The following LRRC8B variants were observed in gnomAD, a reference collection of about 807,000 sequenced individuals.
The protein encoded by LRRC8B is volume-regulated anion channel subunit LRRC8B.
In LRRC8B, 23 loss-of-function variants were observed where a neutral mutation model predicts 58.8. The ratio of observed to expected loss-of-function variants is 0.39; its 90% confidence interval spans 0.28 to 0.55. The LOEUF is 0.55. Among genes scored for constraint, LRRC8B ranks in the 20% least tolerant of loss-of-function variants. The pLI is 0.62. For synonymous variants in LRRC8B, 359 were observed against 374.1 expected (o/e 0.96, Z 0.47); for missense variants, 694 against 936.0 (o/e 0.74, Z 3.37).
chr1:89,539,110 A>G (rs1345590131), intron 1 of LRRC8B, among the ~76,000 whole-genome samples: 1 of 152,186 alleles, frequency 6.6e-6, no homozygotes, highest in Non-Finnish European at 1.5e-5. Context: ...TTGACATTTT[A>G]GGGTATTTTC....
At chr1:89,565,591 C>T (rs1355376192) in intron 1 of LRRC8B, among the ~76,000 whole-genome samples, 1 of 152,232 alleles carries the variant, frequency 6.6e-6, no homozygotes, top group African/African-American at 2.4e-5. Flanking sequence ...CTTTGCCACC[C>T]TTCCATACCC....
At chr1:89,565,362 T>C (rs1652970990) in intron 1 of LRRC8B, among the ~76,000 whole-genome samples, 1 of 149,452 alleles carries the variant, frequency 6.7e-6, no homozygotes, top group South Asian at 2.2e-4. Flanking sequence ...TGTCCAACAC[T>C]GATTCAAAAT....
chr1:89,535,892 A>AT lies in LRRC8B; in HGVS notation c.-241+10880dup, dbSNP rs951700493. Among the ~76,000 whole-genome samples, 340 of 150,282 alleles carry AT rather than the reference A, an allele frequency of 2.3e-3. 2 individuals are homozygous for AT. The highest frequency in any genetic ancestry group is 7.2e-3 in the African/African-American group (294 of 40,972). On this transcript the variant is annotated intron_variant, in intron 1 of 5. Transcript: ENST00000330947. The stretch of plus-strand genomic sequence containing the variant: ...GGTTTGGTCCTAAGCTAGATTTGGG[A>AT]TTTTTTTTTTCTTTACAAATAAATG...
intron 1 of LRRC8B, among the ~76,000 whole-genome samples, chr1:89,549,481 G>A (rs1651652593): frequency 6.6e-6 from 1 of 152,188 alleles, no homozygotes; most frequent in Non-Finnish European, 1.5e-5. Flanking sequence ...TTAGTGAGTT[G>A]ACAGTTCATG....
chr1:89,562,045 A>G (rs1368820310), intron 1 of LRRC8B, among the ~76,000 whole-genome samples: 1 of 152,050 alleles, frequency 6.6e-6, no homozygotes, highest in African/African-American at 2.4e-5. Flanking sequence ...GGATATGTGG[A>G]TGGATGGATG....
intron 1 of LRRC8B, among the ~76,000 whole-genome samples, chr1:89,534,106 C>G (rs905682219): frequency 6.6e-6 from 1 of 152,172 alleles, no homozygotes; most frequent in African/African-American, 2.4e-5. Context: ...TTAACACAGG[C>G]TCTTCTTGGC....
At chr1:89,564,585 T>C (rs1242647935) in intron 1 of LRRC8B, among the ~76,000 whole-genome samples, 1 of 152,204 alleles carries the variant, frequency 6.6e-6, no homozygotes, top group Non-Finnish European at 1.5e-5. Context: ...GTAAGTGTTA[T>C]CCTTCCCCTA....
chr1:89,550,879 C>G (rs1055203233), intron 1 of LRRC8B, among the ~76,000 whole-genome samples: 1 of 152,104 alleles, frequency 6.6e-6, no homozygotes, highest in Non-Finnish European at 1.5e-5. Flanking sequence ...CCCCGGCCCC[C>G]GATCCTGCCC....
At chr1:89,580,096 A>G (rs1287828777) in intron 4 of LRRC8B, among the ~76,000 whole-genome samples, 1 of 152,216 alleles carries the variant, frequency 6.6e-6, no homozygotes, top group Non-Finnish European at 1.5e-5. Flanking sequence ...ACCTGGTTCT[A>G]CCTTGGGAAC....
At chr1:89,542,798 C>A (rs1000325431) in intron 1 of LRRC8B, among the ~76,000 whole-genome samples, 6 of 152,122 alleles carry the variant, frequency 3.9e-5, no homozygotes, top group Admixed American at 3.3e-4. Context: ...GTATTGGCAT[C>A]CATTATGGTT....
intron 1 of LRRC8B, among the ~76,000 whole-genome samples, chr1:89,539,028 A>G (rs1650753826): frequency 6.6e-6 from 1 of 152,128 alleles, no homozygotes; most frequent in African/African-American, 2.4e-5. Context: ...AGCCCCTTCA[A>G]GGTTTTTAAT....
rs748336000 is a variant in LRRC8B at position 89,593,249 on chromosome 1, C to T, written c.*206C>T. ...AAAATTAGCCAGGCGTGGTGGCGTG[C>T]GCCTGTAATCCCAGCTACTTGGGAG... is the stretch of plus-strand genomic sequence containing the variant. On this transcript the variant is annotated 3_prime_UTR_variant, in exon 6 of 6. Coordinates refer to ENST00000330947, the MANE Select transcript of LRRC8B (RefSeq NM_001369817.2). 39 of 505,450 alleles carry T rather than the reference C, an allele frequency of 7.7e-5. No homozygotes were observed. The highest frequency in any genetic ancestry group is 2.7e-4 in the East Asian group (8 of 30,112). 31.3% of individuals were successfully genotyped at this position (505,450 alleles called of 1,614,324 possible). A position where few individuals can be genotyped will look rare whatever the true frequency, so the allele number is the denominator to read the frequency against.
chr1:89,552,885 A>C (rs748527920), intron 1 of LRRC8B, among the ~76,000 whole-genome samples: 1 of 152,246 alleles, frequency 6.6e-6, no homozygotes, highest in Admixed American at 6.5e-5. Flanking sequence ...TTCCTTGATT[A>C]AATTGTTGTT....
chr1:89,564,061 A>T (rs1196520612), intron 1 of LRRC8B, among the ~76,000 whole-genome samples: 4 of 152,226 alleles, frequency 2.6e-5, no homozygotes, highest in Admixed American at 2.6e-4. Context: ...TTTTAACCAC[A>T]TTGTAATCGG....
chr1:89,527,047 T>G (rs1649754190), intron 1 of LRRC8B: 1 of 152,262 alleles, frequency 6.6e-6, no homozygotes, highest in African/African-American at 2.4e-5. Context: ...CCAAGTTTTT[T>G]AGACTAATCC....
At chr1:89,551,549 A>G (rs1467017743) in intron 1 of LRRC8B, among the ~76,000 whole-genome samples, 1 of 152,222 alleles carries the variant, frequency 6.6e-6, no homozygotes, top group African/African-American at 2.4e-5. Context: ...GGATAGATAG[A>G]AAATGAAATA....
At chr1:89,585,664 C>T (rs1654569554) in intron 5 of LRRC8B, among the ~76,000 whole-genome samples, 1 of 152,012 alleles carries the variant, frequency 6.6e-6, no homozygotes, top group African/African-American at 2.4e-5. Flanking sequence ...CAAAAATTAG[C>T]TGCGCGTGGT....
intron 1 of LRRC8B, among the ~76,000 whole-genome samples, chr1:89,565,482 T>C (rs966533291): frequency 1.4e-4 from 22 of 152,186 alleles, no homozygotes; most frequent in African/African-American, 5.1e-4. Flanking sequence ...TAAATTTTTC[T>C]CCTTTCTCCC....
chr1:89,586,152 G>C (rs1215893041), intron 5 of LRRC8B, among the ~76,000 whole-genome samples: 1 of 152,120 alleles, frequency 6.6e-6, no homozygotes, highest in Admixed American at 6.5e-5. Flanking sequence ...TACCCAAAAG[G>C]CTTGCTGAAA....
Sources: gnomAD v4.1 joint callset for allele counts (sites outside exome capture counted in the v4.1 genomes callset) on GRCh38, gnomAD v4.1.1 for gene constraint, MANE v1.5 for transcripts, NCBI Gene and HGNC (gene_info 2026-07-23, HGNC 2026-07-21) for gene names.